DHRS12: variants seen among roughly 807,000 people sequenced by gnomAD.
DHRS12 encodes dehydrogenase/reductase 12.
Under a neutral mutation model 32.1 loss-of-function variants are expected in DHRS12, and 29 were observed. That is an observed-to-expected ratio of 0.90 (90% CI 0.67 to 1.23). DHRS12 has a LOEUF of 1.23. Ranked by LOEUF, DHRS12 falls within the 50% of genes most tolerant of loss-of-function variation. The probability of loss-of-function intolerance (pLI) is 0.00; values close to 1 mark genes in which losing one functional copy is unlikely to be tolerated. For missense variants in DHRS12, 330 were observed against 337.2 expected (o/e 0.98, Z 0.17); for synonymous variants, 150 against 135.9 (o/e 1.10, Z -0.72).
At chr13:51,769,113 CT>C in intron 8 of DHRS12, 42 bp downstream of exon 8, 1 of 1,548,512 alleles carries the variant, frequency 6.5e-7, no homozygotes, top group Non-Finnish European at 8.7e-7. Context: ...GCTGCTGCCC[CT>C]AGCCCTGTGT....
At chr13:51,767,950 G>A (rs1405531489), downstream of DHRS12, 9 of 1,311,566 alleles carry the variant, frequency 6.9e-6, no homozygotes, top group Admixed American at 3.4e-5. Flanking sequence ...AACCATTCTC[G>A]AATAAATGAG....
At chr13:51,772,153 G>A (rs1199834516) in intron 6 of DHRS12, among the ~76,000 whole-genome samples, 1 of 152,122 alleles carries the variant, frequency 6.6e-6, no homozygotes, top group East Asian at 1.9e-4. Flanking sequence ...AAAACACTGA[G>A]AGAGAAGGAA....
Position 51,782,071 on chromosome 13 carries a change from T to C in DHRS12, c.302-4950A>G, listed in dbSNP as rs1954740117. Among the ~76,000 whole-genome samples the C allele has an allele frequency of 6.6e-6, 1 of 151,978 alleles. No homozygotes were observed. Among genetic ancestry groups the C allele is most frequent in the Admixed American group, 6.6e-5 (1 of 15,258 alleles). ...CTTGGATATGAGAAGTGAGGGGGTG[T>C]CAAGGACAAGCGGTGACGGAGATGA... On this transcript the variant is annotated intron_variant, in intron 4 of 8. Coordinates refer to ENST00000444610, the MANE Select transcript of DHRS12 (RefSeq NM_001377533.1). The surrounding 1 kb of genome is among the most constrained non-coding windows in gnomAD (Gnocchi z 4.2).
intron 1 of DHRS12, among the ~76,000 whole-genome samples, chr13:51,803,329 G>A (rs1331650169): frequency 6.6e-6 from 1 of 152,216 alleles, no homozygotes; most frequent in African/African-American, 2.4e-5. Context: ...AATCTGTAGG[G>A]ATGGGGCCTG....
chr13:51,786,860 T>C (rs1954982218), intron 4 of DHRS12, among the ~76,000 whole-genome samples: 1 of 152,122 alleles, frequency 6.6e-6, no homozygotes, highest in Non-Finnish European at 1.5e-5. Flanking sequence ...TCTTAGAAAA[T>C]AGAAAACAAC....
chr13:51,789,425 G>T, intron 4 of DHRS12: 1 of 516,944 alleles, frequency 1.9e-6, no homozygotes, highest in Non-Finnish European at 2.5e-6. Flanking sequence ...TTTAACTCTT[G>T]GCCTCATTCC....
chr13:51,759,728 T>C, the DHRS12 span: 1 of 1,614,002 alleles, frequency 6.2e-7, no homozygotes, highest in East Asian at 2.2e-5. Context: ...TATCTTCTTT[T>C]TCTTTTTGCA....
At chr13:51,768,570 A>C (rs989297243) in intron 8 of DHRS12, 16 of 1,320,308 alleles carry the variant, frequency 1.2e-5, no homozygotes, top group African/African-American at 3.0e-5. Context: ...ATCCTCCCGG[A>C]TACCCCAGGG....
At chr13:51,761,399 C>T in the DHRS12 span, 1 of 152,200 alleles carries the variant, frequency 6.6e-6, no homozygotes, top group Non-Finnish European at 1.5e-5. Flanking sequence ...CGCCAGGTGC[C>T]TGCCCCTCCT....
downstream of DHRS12, chr13:51,767,878 C>T: frequency 1.6e-6 from 1 of 631,098 alleles, no homozygotes; most frequent in Non-Finnish European, 2.1e-6. Context: ...TCCTGCTGCC[C>T]CCACCCCTGC....
chr13:51,760,055 T>C, the DHRS12 span: 12 of 326,326 alleles, frequency 3.7e-5, no homozygotes, highest in Non-Finnish European at 6.1e-5. Flanking sequence ...AAAATCTGTG[T>C]GGGGTGTTTA....
rs1221966059 is a variant in DHRS12 at position 51,803,654 on chromosome 13, T to C, written c.-9+400A>G. Reference sequence around the variant, plus strand: ...CACCCAAAGGCACTAGGACAGAGCCTTAGCTAGCGATTTAGATCCAGCCCT... The same window carrying C: ...CACCCAAAGGCACTAGGACAGAGCCCTAGCTAGCGATTTAGATCCAGCCCT... On this transcript the variant is annotated intron_variant, in intron 1 of 8. Transcript: ENST00000444610. The C allele has an allele frequency of 1.8e-5, 3 of 162,322 alleles. No individual in the cohort carries two copies. In the East Asian group the frequency reaches 5.2e-4, roughly 28 times the overall value. 10.1% of individuals were successfully genotyped at this position (162,322 alleles called of 1,614,324 possible). A position where few individuals can be genotyped will look rare whatever the true frequency, so the allele number is the denominator to read the frequency against.
rs1195841112 is a variant in DHRS12 at position 51,782,492 on chromosome 13, T to C, written c.302-5371A>G. Among the ~76,000 whole-genome samples the C allele has an allele frequency of 6.6e-6, 1 of 152,014 alleles. No homozygotes were observed. The highest frequency in any genetic ancestry group is 1.5e-5 in the Non-Finnish European group (1 of 68,012). ...GCCCATGGATGTGGTAGAGGTGCGCTCTCCAGAACCAGGAATATCAGGGTC... is the reference window on the plus strand; with the variant it reads ...GCCCATGGATGTGGTAGAGGTGCGCCCTCCAGAACCAGGAATATCAGGGTC... On this transcript the variant is annotated intron_variant, in intron 4 of 8. Coordinates refer to ENST00000444610, the MANE Select transcript of DHRS12 (RefSeq NM_001377533.1). The surrounding 1 kb of genome is among the most constrained non-coding windows in gnomAD (Gnocchi z 4.2).
chr13:51,789,864 A>C, intron 4 of DHRS12, 147 bp downstream of exon 4: 22 of 1,310,340 alleles, frequency 1.7e-5, no homozygotes, highest in Non-Finnish European at 2.0e-5. Context: ...ATGAAGAAAA[A>C]TAAGTACAAT....
At chr13:51,787,913 AT>A (rs1313594612) in intron 4 of DHRS12, among the ~76,000 whole-genome samples, 2 of 129,152 alleles carry the variant, frequency 1.5e-5, no homozygotes, top group Admixed American at 9.3e-5. Context: ...AAAATATATA[AT>A]TATATATAAT....
the DHRS12 span, among the ~76,000 whole-genome samples, chr13:51,758,552 TAAA>T: frequency 9.4e-5 from 12 of 127,682 alleles, no homozygotes; most frequent in Admixed American, 2.4e-4. Context: ...CCTCATCTCT[TAAA>T]AAAAAAAAAA....
At chr13:51,765,664 A>AT (rs1953723599), downstream of DHRS12, 1 of 152,156 alleles carries the variant, frequency 6.6e-6, no homozygotes, top group African/African-American at 2.4e-5. Flanking sequence ...CTATCACCAC[A>AT]TGCCTTTGTT....
In DHRS12 at chr13:51,799,432, G is replaced by C; in HGVS notation, c.126+102C>G. On this transcript the variant is annotated intron_variant, in intron 2 of 8. Coordinates refer to ENST00000444610, the MANE Select transcript of DHRS12 (RefSeq NM_001377533.1). ...CCCAGAACCATGGGATCGCCGTCCAGGACTTCCTGGCCTGCCTGTGACACA... is the reference window on the plus strand; with the variant it reads ...CCCAGAACCATGGGATCGCCGTCCACGACTTCCTGGCCTGCCTGTGACACA... 4 of 1,528,120 alleles carry C rather than the reference G, an allele frequency of 2.6e-6. No homozygotes were observed. The South Asian group carries it at 5.1e-5, about 19-fold the overall frequency. The allele number at this position is 1,528,120 out of a possible 1,614,324, so 94.7% of individuals were successfully genotyped here. A position where few individuals can be genotyped will look rare whatever the true frequency, so the allele number is the denominator to read the frequency against.
chr13:51,780,108 C>T (rs531553837), intron 4 of DHRS12, among the ~76,000 whole-genome samples: 12 of 152,072 alleles, frequency 7.9e-5, no homozygotes, highest in South Asian at 2.1e-4. Flanking sequence ...ACCCAGGAGG[C>T]GGAGGTTGCA....
Sources: gnomAD v4.1 joint callset for allele counts (sites outside exome capture counted in the v4.1 genomes callset) on GRCh38, gnomAD v4.1.1 for gene constraint, Gnocchi (gnomAD v3.1) non-coding constraint, MANE v1.5 for transcripts, NCBI Gene and HGNC (gene_info 2026-07-23, HGNC 2026-07-21) for gene names.